MLLT11: variants seen among roughly 807,000 people sequenced by gnomAD.
MLLT11 encodes the protein MLLT11 transcription factor 7 cofactor.
In MLLT11, 1 loss-of-function variant was observed where a neutral mutation model predicts 5.3. The ratio of observed to expected loss-of-function variants is 0.19; its 90% CI spans 0.07 to 0.89. The LOEUF (loss-of-function observed/expected upper bound fraction) is 0.89, where lower values mean the gene tolerates loss of function less well. Among genes scored for constraint, MLLT11 ranks in the 40% least tolerant of loss-of-function variants. The probability of loss-of-function intolerance (pLI) is 0.67; values close to 1 mark genes in which losing one functional copy is unlikely to be tolerated. For missense variants in MLLT11, 87 were observed against 107.3 expected (o/e 0.81, Z 0.83); for synonymous variants, 38 against 41.7 (o/e 0.91, Z 0.34).
chr1:151,060,455 G>C lies in MLLT11; in HGVS notation c.-105G>C, dbSNP rs1441927574. On this transcript the variant is annotated 5_prime_UTR_variant, in exon 1 of 2. Coordinates refer to ENST00000368921, the MANE Select transcript of MLLT11 (RefSeq NM_006818.4). ...GGAGTGAGAAGACAAAGCCGTCAAAGCCCCAACAGCTTTGTATTTCTCCAG... is the reference window on the plus strand; with the variant it reads ...GGAGTGAGAAGACAAAGCCGTCAAACCCCCAACAGCTTTGTATTTCTCCAG... 1.3e-5 allele frequency: 2 copies of C among 152,220 alleles called. No homozygotes were observed. Among genetic ancestry groups the C allele is most frequent in the African/African-American group, 4.8e-5 (2 of 41,454 alleles). The allele number at this position is 152,220 out of a possible 1,614,324, so 9.4% of individuals were successfully genotyped here.
intron 1 of MLLT11, among the ~76,000 whole-genome samples, chr1:151,063,951 G>A (rs966485961): frequency 6.6e-6 from 1 of 152,150 alleles, no homozygotes; most frequent in Non-Finnish European, 1.5e-5. Context: ...ATTATCATCA[G>A]TATACTCGAG....
At position 151,062,739 on chromosome 1, in the gene MLLT11, G is replaced by T. The variant is rs145816760; in HGVS notation, c.-7+2186G>T. ...CATTCTGGAGAAGACTTGTCAGGTA[G>T]GATAGAGAAAAGAACCCAGCTAGCT... is the stretch of plus-strand genomic sequence containing the variant. On this transcript the variant is annotated intron_variant, in intron 1 of 1. Coordinates refer to ENST00000368921, the MANE Select transcript of MLLT11 (RefSeq NM_006818.4). Among the ~76,000 whole-genome samples the T allele has an allele frequency of 3.5e-4, 54 of 152,244 alleles. 1 individual carries two copies. Among genetic ancestry groups the T allele is most frequent in the African/African-American group, 1.3e-3 (53 of 41,544 alleles).
intron 1 of MLLT11, among the ~76,000 whole-genome samples, chr1:151,062,795 T>C (rs373996234): frequency 6.6e-6 from 1 of 152,336 alleles, no homozygotes; most frequent in Admixed American, 6.5e-5. Flanking sequence ...TAAGAATCCC[T>C]GTAGCCACAA....
In MLLT11 at chr1:151,069,027, G is replaced by A. The variant is rs1341719506; in HGVS notation, c.*1530G>A. On this transcript the variant is annotated 3_prime_UTR_variant, in exon 2 of 2. Transcript: ENST00000368921. ...AATTAGAAAAGTAGTTAGGGAGACAGGTACAACCACTCTTCTGCTTGCCCA... is the reference window on the plus strand; with the variant it reads ...AATTAGAAAAGTAGTTAGGGAGACAAGTACAACCACTCTTCTGCTTGCCCA... Among the ~76,000 whole-genome samples the A allele has an allele frequency of 6.6e-6, 1 of 152,136 alleles. No homozygotes were observed. The highest frequency in any genetic ancestry group is 2.4e-5 in the African/African-American group (1 of 41,432).
chr1:151,067,425 T>C lies in MLLT11; in HGVS notation c.201T>C (p.Leu67=). ...AAAACCCTGAAGGTGATGGCCTCCT[T>C]GAGTACAGCACCTTCAACTTCTGGA... is the stretch of plus-strand genomic sequence containing the variant. The part of the protein sequence containing the change: ...QEKNPEGDGL[L]EYSTFNFWRA... Residue 67 remains leucine, a synonymous_variant, in exon 2 of 2, where the codon CTT becomes CTC. Transcript: ENST00000368921. 1.2e-6 allele frequency: 2 copies of C among 1,614,026 alleles called. No individual in the cohort carries two copies. The highest frequency in any genetic ancestry group is 1.7e-5 in the Admixed American group (1 of 59,992).
At chr1:151,067,100 GAAA>G (rs57235606) in intron 1 of MLLT11, 116 bp from the exon 2 acceptor site, 1,124 of 642,278 alleles carry the variant, frequency 1.8e-3, no homozygotes, top group South Asian at 3.1e-3. Flanking sequence ...TTCTTTAATA[GAAA>G]AAAAAAAAAA....
At chr1:151,060,976 G>A (rs915569514) in intron 1 of MLLT11, among the ~76,000 whole-genome samples, 4 of 152,152 alleles carry the variant, frequency 2.6e-5, no homozygotes, top group Non-Finnish European at 5.9e-5. Flanking sequence ...GAGTTTGGGA[G>A]GGGGTTATAT....
Position 151,067,800 on chromosome 1 carries a change from ATAG to A in MLLT11, c.*308_*310del. 1 of 386,848 alleles carries A rather than the reference ATAG, an allele frequency of 2.6e-6. No homozygotes were observed. 24.0% of individuals were successfully genotyped at this position (386,848 alleles called of 1,614,324 possible). On this transcript the variant is annotated 3_prime_UTR_variant, in exon 2 of 2. Coordinates refer to ENST00000368921, the MANE Select transcript of MLLT11 (RefSeq NM_006818.4). ...CTGACTGGGGACACCTGAGAGTAGT[ATAG>A]TAGTGCAAAATGGAAGACTGATTTT...
In MLLT11 at chr1:151,067,663, C is replaced by T; in HGVS notation, c.*166C>T. 2.6e-6 allele frequency: 2 copies of T among 771,012 alleles called. No individual in the cohort carries two copies. Among genetic ancestry groups the T allele is most frequent in the Non-Finnish European group, 4.2e-6 (2 of 474,794 alleles). 47.8% of individuals were successfully genotyped at this position (771,012 alleles called of 1,614,324 possible). On this transcript the variant is annotated 3_prime_UTR_variant, in exon 2 of 2. Coordinates refer to ENST00000368921, the MANE Select transcript of MLLT11 (RefSeq NM_006818.4). ...ATGTATTTATTTATCTATCTGTCTA[C>T]TCCATTTCTCTCAAAAGCCCTCAAG...
At chr1:151,064,692 C>G (rs1386744191) in intron 1 of MLLT11, among the ~76,000 whole-genome samples, 1 of 152,188 alleles carries the variant, frequency 6.6e-6, no homozygotes, top group Non-Finnish European at 1.5e-5. Context: ...TGTCCTCCCC[C>G]TTTCCCCATG....
rs1198623690 is a variant in MLLT11 at position 151,069,416 on chromosome 1, G to C, written c.*1919G>C. Among the ~76,000 whole-genome samples the C allele has an allele frequency of 6.6e-6, 1 of 152,204 alleles. No individual in the cohort carries two copies. ...CCAGTCTAACGAAGAATGGGGCCAGGAAGGATAAGTAGTGCGTCCTTTTCT... is the reference window on the plus strand; with the variant it reads ...CCAGTCTAACGAAGAATGGGGCCAGCAAGGATAAGTAGTGCGTCCTTTTCT... On this transcript the variant is annotated 3_prime_UTR_variant, in exon 2 of 2. Transcript: ENST00000368921.
chr1:151,062,674 T>C (rs1289902969), intron 1 of MLLT11, among the ~76,000 whole-genome samples: 1 of 152,168 alleles, frequency 6.6e-6, no homozygotes, highest in Non-Finnish European at 1.5e-5. Context: ...TGATTCTATT[T>C]TTTAAAGAGC....
chr1:151,066,353 G>C (rs587676503), intron 1 of MLLT11, among the ~76,000 whole-genome samples: 23 of 152,116 alleles, frequency 1.5e-4, no homozygotes, highest in Non-Finnish European at 3.1e-4. Context: ...TGGACAGGCT[G>C]GTCTCAAACT....
chr1:151,061,398 G>A (rs756014984), intron 1 of MLLT11, among the ~76,000 whole-genome samples: 5 of 152,188 alleles, frequency 3.3e-5, no homozygotes, highest in African/African-American at 9.7e-5. Flanking sequence ...ATATTTGGGC[G>A]TGTCTGTGTG....
intron 1 of MLLT11, among the ~76,000 whole-genome samples, chr1:151,065,831 GTTTGT>G (rs917308449): frequency 4.5e-4 from 69 of 152,128 alleles, no homozygotes; most frequent in African/African-American, 1.6e-3. Context: ...GGAGTTTTTT[GTTTGT>G]TTTGTTTTGT....
In MLLT11 at chr1:151,067,422, C is replaced by T. The variant is rs111536089; in HGVS notation, c.198C>T (p.Leu66=). The change falls in exon 2 of 2, where the codon CTC becomes CTT. Residue 66 remains leucine, a synonymous_variant. Transcript: ENST00000368921. ...AGAAAAACCCTGAAGGTGATGGCCT[C>T]CTTGAGTACAGCACCTTCAACTTCT... ...DQEKNPEGDG[L]LEYSTFNFWR... 31 of 1,614,156 alleles carry T rather than the reference C, an allele frequency of 1.9e-5. No homozygotes were observed. The highest frequency in any genetic ancestry group is 1.3e-4 in the African/African-American group (10 of 75,034).
chr1:151,066,589 T>C (rs1676478701), intron 1 of MLLT11, among the ~76,000 whole-genome samples: 1 of 152,070 alleles, frequency 6.6e-6, no homozygotes, highest in Admixed American at 6.6e-5. Context: ...TTTGATGCAA[T>C]AGATGGTAAA....
In MLLT11 at chr1:151,068,856, A is replaced by C. The variant is rs1157939465; in HGVS notation, c.*1359A>C. Among the ~76,000 whole-genome samples, 6 of 152,224 alleles carry C rather than the reference A, an allele frequency of 3.9e-5. No homozygotes were observed. The highest frequency in any genetic ancestry group is 8.8e-5 in the Non-Finnish European group (6 of 68,046). ...CGCCTTAGCCTCTCAAAGTGCTGAG[A>C]TTACAGGCGTGAGCCACTGAGCCCG... On this transcript the variant is annotated 3_prime_UTR_variant, in exon 2 of 2. Coordinates refer to ENST00000368921, the MANE Select transcript of MLLT11 (RefSeq NM_006818.4).
rs1249887896 is a variant in MLLT11, at chr1:151,068,201, G to C, written c.*704G>C. The stretch of plus-strand genomic sequence containing the variant: ...CTTTACAACTTTGCTCCTAACTGTG[G>C]GTTGAAAACTCTAGCTAAAGAAAGT... On this transcript the variant is annotated 3_prime_UTR_variant, in exon 2 of 2. Transcript: ENST00000368921. The C allele has an allele frequency of 4.2e-6, 1 of 238,930 alleles. No homozygotes were observed. Among genetic ancestry groups the C allele is most frequent in the Admixed American group, 5.7e-5 (1 of 17,442 alleles). The allele number at this position is 238,930 out of a possible 1,614,324, so 14.8% of individuals were successfully genotyped here. A position where few individuals can be genotyped will look rare whatever the true frequency, so the allele number is the denominator to read the frequency against.
Sources: gnomAD v4.1 joint callset for allele counts (sites outside exome capture counted in the v4.1 genomes callset) on GRCh38, gnomAD v4.1.1 for gene constraint, MANE v1.5 for transcripts, NCBI Gene and HGNC (gene_info 2026-07-23, HGNC 2026-07-21) for gene names.